Variants in PARD3B observed in about 807,000 individuals in gnomAD.
The protein encoded by PARD3B is par-3 family cell polarity regulator beta.
A neutral mutation model predicts 130.2 loss-of-function variants in PARD3B; 103 were observed. The observed-to-expected ratio is 0.79, with a 90% CI of 0.67 to 0.93. PARD3B has a LOEUF of 0.93. Ranked by LOEUF, PARD3B falls within the 40% of genes least tolerant of loss-of-function variation. PARD3B has a pLI of 0.00. For synonymous variants in PARD3B, 583 were observed against 553.2 expected (o/e 1.05, Z -0.76); for missense variants, 1,609 against 1,499.2 (o/e 1.07, Z -1.21).
At chr2:204,571,268 G>A (rs557095092) in intron 1 of PARD3B, among the ~76,000 whole-genome samples, 23 of 152,316 alleles carry the variant, frequency 1.5e-4, no homozygotes, top group Non-Finnish European at 2.5e-4. Flanking sequence ...CTCTGAAACC[G>A]TGGGCAAGGC....
At position 204,782,652 on chromosome 2, in the gene PARD3B, T is replaced by C. The variant is rs2041879996; in HGVS notation, c.222+96370T>C. 1.3e-5 allele frequency among the ~76,000 whole-genome samples: 2 copies of C among 151,806 alleles called. 1 individual carries two copies. The highest frequency in any genetic ancestry group is 4.1e-4 in the South Asian group (2 of 4,822). On this transcript the variant is annotated intron_variant, in intron 2 of 22. Coordinates refer to ENST00000406610, the MANE Select transcript of PARD3B (RefSeq NM_001302769.2). ...GTAGAGTATGCCATCCATCCATTTG[T>C]AGGACATTAAAAACCAGCCATATAA...
At chr2:205,455,852 C>T (rs1422851247) in intron 20 of PARD3B, among the ~76,000 whole-genome samples, 1 of 152,002 alleles carries the variant, frequency 6.6e-6, no homozygotes, top group Non-Finnish European at 1.5e-5. Flanking sequence ...TTTTGTCACA[C>T]AGGTAGATCC....
Position 205,440,225 on chromosome 2 carries a change from G to A in PARD3B, c.2742-145G>A, listed in dbSNP as rs187795773. 4.0e-6 allele frequency: 3 copies of A among 752,472 alleles called. No homozygotes were observed. The highest frequency in any genetic ancestry group is 2.9e-5 in the Admixed American group (1 of 34,938). The allele number at this position is 752,472 out of a possible 1,614,324, so 46.6% of individuals were successfully genotyped here. On this transcript the variant is annotated intron_variant, in intron 19 of 22. Transcript: ENST00000406610. This position sits in a 1 kb window ranked among gnomAD's most constrained non-coding sequence, Gnocchi z 4.2. ...TAAAATTAATCTTCTTATGCTGTTG[G>A]CATTTCTGCATGCTGTGATCTTGAG...
rs1559397079 is a variant in PARD3B, at chr2:205,057,517, G to GTATATGTATATATA, written c.504+9827_504+9828insTATATGTATATATA. On this transcript the variant is annotated intron_variant, in intron 4 of 22. Coordinates refer to ENST00000406610, the MANE Select transcript of PARD3B (RefSeq NM_001302769.2). ...TGTATATATACATATATGTGTATGT[G>GTATATGTATATATA]CATGTGTATATATACATATATGTAT... 3.2e-4 allele frequency among the ~76,000 whole-genome samples: 45 copies of GTATATGTATATATA among 140,220 alleles called. 2 individuals carry two copies. The highest frequency in any genetic ancestry group is 6.1e-4 in the East Asian group (3 of 4,936). The allele number at this position is 140,220 out of a possible 152,430, so 92.0% of individuals were successfully genotyped here.
chr2:204,729,108 C>CT (rs2039373445), intron 2 of PARD3B, among the ~76,000 whole-genome samples: 2 of 152,138 alleles, frequency 1.3e-5, no homozygotes, highest in East Asian at 3.9e-4. Context: ...GATGCAAAGC[C>CT]TTTGAATATT....
chr2:205,108,350 G>A (rs1260697583), intron 5 of PARD3B, among the ~76,000 whole-genome samples: 1 of 151,968 alleles, frequency 6.6e-6, no homozygotes, highest in Non-Finnish European at 1.5e-5. Context: ...TTCATTTTCT[G>A]CAAATTAAGT....
intron 22 of PARD3B, among the ~76,000 whole-genome samples, chr2:205,555,093 G>A (rs1277897900): frequency 2.6e-5 from 4 of 152,146 alleles, no homozygotes; most frequent in Non-Finnish European, 4.4e-5. Flanking sequence ...GGAAATTGTG[G>A]TTAAGGCAGA....
chr2:204,628,112 T>A (rs771148721), intron 1 of PARD3B, among the ~76,000 whole-genome samples: 26 of 151,978 alleles, frequency 1.7e-4, no homozygotes, highest in South Asian at 6.2e-4. Flanking sequence ...CTGATTTAGA[T>A]CTTTGTGTAT....
In PARD3B at chr2:205,584,669, C is replaced by G. The variant is rs1176102883; in HGVS notation, c.3261-30787C>G. On this transcript the variant is annotated intron_variant, in intron 22 of 22. Transcript: ENST00000406610. This position sits in a 1 kb window ranked among gnomAD's most constrained non-coding sequence, Gnocchi z 5.5. ...CTGTAGCCTGGGCAACAGAGCAAAACTCCATCTCAAAAATAAATAAATAAA... is the reference window on the plus strand; with the variant it reads ...CTGTAGCCTGGGCAACAGAGCAAAAGTCCATCTCAAAAATAAATAAATAAA... 1.3e-5 allele frequency among the ~76,000 whole-genome samples: 2 copies of G among 152,046 alleles called. No homozygotes were observed. Among genetic ancestry groups the G allele is most frequent in the Non-Finnish European group, 2.9e-5 (2 of 68,024 alleles).
At position 205,241,629 on chromosome 2, in the gene PARD3B, G is replaced by A. The variant is rs950070546; in HGVS notation, c.2141-4149G>A. On this transcript the variant is annotated intron_variant, in intron 15 of 22. Transcript: ENST00000406610. The surrounding 1 kb of genome is among the most constrained non-coding windows in gnomAD (Gnocchi z 4.2). ...AAAAGGAGAAAAAATTCTGTCATCA[G>A]AACGAGAACAAGAAACTTAGACTCT... Among the ~76,000 whole-genome samples, 2 of 152,224 alleles carry A rather than the reference G, an allele frequency of 1.3e-5. No individual in the cohort carries two copies. Among genetic ancestry groups the A allele is most frequent in the African/African-American group, 4.8e-5 (2 of 41,574 alleles).
intron 2 of PARD3B, among the ~76,000 whole-genome samples, chr2:204,964,316 G>A (rs941657006): frequency 4.6e-5 from 7 of 152,126 alleles, no homozygotes; most frequent in Admixed American, 3.3e-4. Context: ...CAGCAGAGCC[G>A]TCGTCACTGT....
intron 16 of PARD3B, among the ~76,000 whole-genome samples, chr2:205,249,809 C>T (rs1380623358): frequency 6.6e-6 from 1 of 151,948 alleles, no homozygotes; most frequent in Non-Finnish European, 1.5e-5. Context: ...AAATAAAATA[C>T]CCTTTGTTTG....
At chr2:205,583,408 C>CAT (rs1407509726) in intron 22 of PARD3B, among the ~76,000 whole-genome samples, 2 of 32,466 alleles carry the variant, frequency 6.2e-5, no homozygotes, top group African/African-American at 1.6e-4. Context: ...TGTGCGCGCG[C>CAT]ACGCGCGTGT....
chr2:204,984,610 G>A (rs146826512), intron 3 of PARD3B, among the ~76,000 whole-genome samples: 5 of 152,228 alleles, frequency 3.3e-5, no homozygotes, highest in African/African-American at 9.6e-5. Context: ...GTTATTCTGG[G>A]AGATGTTTAA....
At chr2:204,829,201 C>G (rs1028543181) in intron 2 of PARD3B, among the ~76,000 whole-genome samples, 1 of 152,124 alleles carries the variant, frequency 6.6e-6, no homozygotes, top group African/African-American at 2.4e-5. Context: ...GTGCACATAG[C>G]CTATTGTAAA....
At chr2:204,748,991 C>T (rs778593654) in intron 2 of PARD3B, among the ~76,000 whole-genome samples, 1 of 151,918 alleles carries the variant, frequency 6.6e-6, no homozygotes, top group African/African-American at 2.4e-5. Flanking sequence ...TTACTTGAGC[C>T]AACCCCCTTT....
intron 2 of PARD3B, among the ~76,000 whole-genome samples, chr2:204,814,506 A>G (rs527831506): frequency 6.6e-5 from 10 of 151,972 alleles, no homozygotes; most frequent in Admixed American, 5.9e-4. Flanking sequence ...CTGGTCCTCT[A>G]GGAGTAAAGA....
rs751156541 is a variant in PARD3B, at chr2:204,970,445, A to T, written c.394+5122A>T. Among the ~76,000 whole-genome samples, 4 of 152,312 alleles carry T rather than the reference A, an allele frequency of 2.6e-5. No homozygotes were observed. In the South Asian group the frequency reaches 8.3e-4, roughly 32 times the overall value. Reference sequence around the variant, plus strand: ...GGTCACTCCCTGATGTGTCACCACCATATCTCCCTGGGCCACAGTTTCCTC... The same window carrying T: ...GGTCACTCCCTGATGTGTCACCACCTTATCTCCCTGGGCCACAGTTTCCTC... On this transcript the variant is annotated intron_variant, in intron 3 of 22. Coordinates refer to ENST00000406610, the MANE Select transcript of PARD3B (RefSeq NM_001302769.2).
rs112569598 is a variant in PARD3B, at chr2:205,248,414, T to C, written c.2185+2592T>C. Among the ~76,000 whole-genome samples the C allele has an allele frequency of 7.4e-4, 110 of 148,310 alleles. 1 individual carries two copies. The highest frequency in any genetic ancestry group is 2.0e-3 in the African/African-American group (78 of 39,384). ...GTGGTGGTGGTGGTGGTGGTGGTGG[T>C]GGCGGCAGCAGCAGCAGCAGAGGGT... is the stretch of plus-strand genomic sequence containing the variant. On this transcript the variant is annotated intron_variant, in intron 16 of 22. Transcript: ENST00000406610.
Sources: gnomAD v4.1 joint callset for allele counts (sites outside exome capture counted in the v4.1 genomes callset) on GRCh38, gnomAD v4.1.1 for gene constraint, Gnocchi (gnomAD v3.1) non-coding constraint, MANE v1.5 for transcripts, NCBI Gene and HGNC (gene_info 2026-07-23, HGNC 2026-07-21) for gene names.